ANKHD1: variants seen among roughly 807,000 people sequenced by gnomAD.
ANKHD1 encodes ankyrin repeat and KH domain containing 1, also known as ankyrin repeat and KH domain-containing protein 1.
ANKHD1 carries 31 observed loss-of-function variants against 230.5 expected under a neutral mutation model. The ratio of observed to expected loss-of-function variants is 0.13; its 90% CI spans 0.10 to 0.18. The LOEUF (loss-of-function observed/expected upper bound fraction) is 0.18. ANKHD1 is among the 10% of genes least tolerant of loss of function. The probability of loss-of-function intolerance (pLI) is 1.00; values close to 1 mark genes in which losing one functional copy is unlikely to be tolerated. For synonymous variants in ANKHD1, 1,074 were observed against 1,117.6 expected (o/e 0.96, Z 0.78); for missense variants, 2,256 against 3,071.3 (o/e 0.73, Z 6.27).
intron 33 of ANKHD1, 114 bp from the exon 34 acceptor site, chr5:140,539,245 T>C: frequency 6.4e-7 from 1 of 1,563,856 alleles, no homozygotes; most frequent in South Asian, 1.2e-5. Flanking sequence ...TTATTTAATA[T>C]ATGTGTATTC....
chr5:140,532,114 G>A (rs893312228), intron 29 of ANKHD1, among the ~76,000 whole-genome samples: 1 of 151,642 alleles, frequency 6.6e-6, no homozygotes, highest in Admixed American at 6.6e-5. Flanking sequence ...GGCCGAGGCA[G>A]GGGAATCACT....
chr5:140,446,848 TAGC>T (rs748251930), intron 6 of ANKHD1, among the ~76,000 whole-genome samples: 1 of 152,216 alleles, frequency 6.6e-6, no homozygotes, highest in African/African-American at 2.4e-5. Context: ...TTATTTTACT[TAGC>T]AGTGTATCAT....
chr5:140,459,012 ATATATATATATATATATTGCATTGATGAT>A, intron 8 of ANKHD1, 123 bp from the exon 9 acceptor site: 1 of 116,960 alleles, frequency 8.5e-6, no homozygotes, highest in Non-Finnish European at 1.7e-5. Context: ...ATATATATAT[ATATATATATATATATATTGCATTGATGAT>A]AAATTACCCT....
chr5:140,438,408 A>G lies in ANKHD1; in HGVS notation c.461-53A>G, dbSNP rs890668147. The G allele has an allele frequency of 3.4e-6, 5 of 1,471,166 alleles. No individual in the cohort carries two copies. In the East Asian group the frequency reaches 1.2e-4, roughly 35 times the overall value. The allele number at this position is 1,471,166 out of a possible 1,614,324, so 91.1% of individuals were successfully genotyped here. A position where few individuals can be genotyped will look rare whatever the true frequency, so the allele number is the denominator to read the frequency against. ...AAATATAATTACAATTTGCACTTTTATACTTTTTTTTTTGTTGTTCTGCAC... is the reference window on the plus strand; with the variant it reads ...AAATATAATTACAATTTGCACTTTTGTACTTTTTTTTTTGTTGTTCTGCAC... On this transcript the variant is annotated intron_variant, in intron 2 of 33. Coordinates refer to ENST00000360839, the MANE Select transcript of ANKHD1 (RefSeq NM_017747.3).
At position 140,491,139 on chromosome 5, in the gene ANKHD1, CAT is replaced by C. The variant is rs1193439242; in HGVS notation, c.2245+4100_2245+4101del. Among the ~76,000 whole-genome samples, 335 of 56,326 alleles carry C rather than the reference CAT, an allele frequency of 5.9e-3. 3 individuals are homozygous for C. The highest frequency in any genetic ancestry group is 0.036 in the Middle Eastern group (2 of 56). 37.0% of individuals were successfully genotyped at this position (56,326 alleles called of 152,430 possible). A position where few individuals can be genotyped will look rare whatever the true frequency, so the allele number is the denominator to read the frequency against. On this transcript the variant is annotated intron_variant, in intron 14 of 33. Coordinates refer to ENST00000360839, the MANE Select transcript of ANKHD1 (RefSeq NM_017747.3). The stretch of plus-strand genomic sequence containing the variant: ...ACACACATATATATATATATATACA[CAT>C]ATATATATATATATATATATTTTTT...
In ANKHD1 at chr5:140,464,705, G is replaced by C. The variant is rs1176441653; in HGVS notation, c.1711G>C (p.Ala571Pro). 1 of 1,607,040 alleles carries C rather than the reference G, an allele frequency of 6.2e-7. No homozygotes were observed. The highest frequency in any genetic ancestry group is 1.1e-5 in the South Asian group (1 of 90,340). Residue 571 changes from alanine (A) to proline (P), a missense_variant, in exon 10 of 34, where the codon GCC (alanine) becomes CCC (proline). By Grantham distance (27) the Ala-to-Pro change is conservative. Coordinates refer to ENST00000360839, the MANE Select transcript of ANKHD1 (RefSeq NM_017747.3). Reference sequence around the variant, plus strand: ...TGCTACAACAGCAACAGGAGACACAGCCTTAACCTATGCTTGTGAAAATGG... The same window carrying C: ...TGCTACAACAGCAACAGGAGACACACCCTTAACCTATGCTTGTGAAAATGG... ...VHATTATGDT[A>P]LTYACENGHT...
intron 15 of ANKHD1, 90 bp downstream of exon 15, chr5:140,497,368 G>T (rs1440217088): frequency 2.7e-6 from 4 of 1,484,950 alleles, no homozygotes; most frequent in Non-Finnish European, 3.6e-6. Flanking sequence ...GACTTTGTAC[G>T]TTTCCATTTT....
intron 1 of ANKHD1, among the ~76,000 whole-genome samples, chr5:140,417,028 A>G (rs1004694864): frequency 1.6e-4 from 24 of 152,312 alleles, no homozygotes; most frequent in East Asian, 5.8e-4. Flanking sequence ...ATTAAAAAGC[A>G]TCTATGATGG....
chr5:140,411,647 G>A (rs1033753352), intron 1 of ANKHD1, among the ~76,000 whole-genome samples: 4 of 151,520 alleles, frequency 2.6e-5, no homozygotes, highest in Admixed American at 2.0e-4. Context: ...AGCCTCCTGA[G>A]TAGCTGGGAT....
chr5:140,530,439 C>T (rs562658858), intron 29 of ANKHD1, among the ~76,000 whole-genome samples: 2 of 152,314 alleles, frequency 1.3e-5, no homozygotes, highest in Admixed American at 1.3e-4. Context: ...TCTCGAACTC[C>T]TGTGCTCAGG....
chr5:140,513,393 G>C lies in ANKHD1; in HGVS notation c.4231G>C (p.Glu1411Gln). 6.2e-7 allele frequency: 1 copy of C among 1,612,332 alleles called. No individual in the cohort carries two copies. The highest frequency in any genetic ancestry group is 8.5e-7 in the Non-Finnish European group (1 of 1,179,270). ...ELLKKCHQCV[E>Q]TIVKAKDQQA... ...GTTGAAAAAATGTCATCAATGTGTC[G>C]AAACCATTGTGAAGGCTAAAGACCA... Residue 1411 changes from glutamate to glutamine, a missense_variant, in exon 24 of 34, where the codon GAA becomes CAA. Transcript: ENST00000360839.
chr5:140,467,207 TA>T (rs1426114551), intron 10 of ANKHD1, among the ~76,000 whole-genome samples: 1 of 152,160 alleles, frequency 6.6e-6, no homozygotes, highest in African/African-American at 2.4e-5. Flanking sequence ...ACTCGTTCAT[TA>T]ATTATGGAAC....
chr5:140,524,038 T>C (rs758395046), intron 24 of ANKHD1, 28 bp from the exon 25 acceptor site: 1 of 1,545,418 alleles, frequency 6.5e-7, no homozygotes, highest in Non-Finnish European at 8.6e-7. Context: ...GCCTTATTGG[T>C]AAAATTATAT....
At chr5:140,408,014 T>G (rs1271049724) in intron 1 of ANKHD1, among the ~76,000 whole-genome samples, 1 of 152,040 alleles carries the variant, frequency 6.6e-6, no homozygotes, top group African/African-American at 2.4e-5. Context: ...CTGTCTCTAC[T>G]AAAAATACAA....
chr5:140,457,028 CA>C (rs1250337360), intron 7 of ANKHD1, among the ~76,000 whole-genome samples: 1 of 152,102 alleles, frequency 6.6e-6, no homozygotes, highest in Non-Finnish European at 1.5e-5. Context: ...ACAACCCCAT[CA>C]AAAAGTGGAC....
In ANKHD1 at chr5:140,402,218, T is replaced by C. The variant is rs369332517; in HGVS notation, c.251T>C (p.Leu84Pro). Reference protein sequence around the residue: ...ALDFKLAAAVLRTGGGGGASG... With the variant: ...ALDFKLAAAVPRTGGGGGASG... ...GATTTCAAGTTGGCGGCTGCCGTGCTGAGGACCGGGGGTGGAGGTGGTGCC... is the reference window on the plus strand; with the variant it reads ...GATTTCAAGTTGGCGGCTGCCGTGCCGAGGACCGGGGGTGGAGGTGGTGCC... The change falls in exon 1 of 34, where the codon CTG (leucine) becomes CCG (proline). Residue 84 changes from leucine to proline, a missense_variant. Leu to Pro is a moderately conservative substitution (Grantham distance 98). Around this residue, in one of 13 missense-constraint regions of ANKHD1, gnomAD observed 193 missense variants for 185.8 expected, o/e 1.04. Coordinates refer to ENST00000360839, the MANE Select transcript of ANKHD1 (RefSeq NM_017747.3). The C allele has an allele frequency of 8.5e-6, 13 of 1,523,642 alleles. No individual in the cohort carries two copies. Among genetic ancestry groups the C allele is most frequent in the South Asian group, 6.0e-5 (5 of 82,764 alleles). The allele number at this position is 1,523,642 out of a possible 1,614,324, so 94.4% of individuals were successfully genotyped here.
At chr5:140,520,638 A>T (rs1322880267) in intron 24 of ANKHD1, among the ~76,000 whole-genome samples, 2 of 151,858 alleles carry the variant, frequency 1.3e-5, no homozygotes, top group Non-Finnish European at 2.9e-5. Flanking sequence ...GGGGACATGG[A>T]TGAAATTGGA....
chr5:140,509,890 T>C (rs1358857431), intron 21 of ANKHD1, 78 bp downstream of exon 21: 3 of 1,549,638 alleles, frequency 1.9e-6, no homozygotes, highest in Non-Finnish European at 2.6e-6. Context: ...AATAACATTG[T>C]TTTACTTTAT....
At chr5:140,419,790 CTTTCTTTCTT>C (rs1156498114) in intron 1 of ANKHD1, among the ~76,000 whole-genome samples, 7 of 132,380 alleles carry the variant, frequency 5.3e-5, no homozygotes, top group South Asian at 2.4e-4. Flanking sequence ...TTCTTTCTTT[CTTTCTTTCTT>C]TCTTTCTTTC....
Sources: allele counts gnomAD v4.1 joint callset (sites outside exome capture counted in the v4.1 genomes callset), GRCh38; gene constraint gnomAD v4.1.1; regional missense constraint gnomAD v4.1.1; transcripts MANE v1.5; gene names NCBI Gene and HGNC (gene_info 2026-07-23, HGNC 2026-07-21).